Variants in RBM4 observed in about 807,000 individuals in gnomAD.
The protein encoded by RBM4 is RNA binding motif protein 4, also known as RNA-binding protein 4.
Under a neutral mutation model 29.5 loss-of-function variants are expected in RBM4, and 7 were observed. The ratio of observed to expected loss-of-function variants is 0.24; its 90% CI spans 0.14 to 0.45. The LOEUF (loss-of-function observed/expected upper bound fraction) is 0.45, where lower values mean the gene tolerates loss of function less well. RBM4 is among the 20% of genes least tolerant of loss of function. The pLI is 1.00. For synonymous variants in RBM4, 220 were observed against 205.4 expected, an observed-to-expected ratio of 1.07 and a Z score of -0.61; for missense variants, 387 against 502.3, an observed-to-expected ratio of 0.77 and a Z score of 2.19.
chr11:66,654,369 G>A (rs989302047), intron 2 of RBM4, among the ~76,000 whole-genome samples: 3 of 151,822 alleles, frequency 2.0e-5, no homozygotes, highest in African/African-American at 4.8e-5. Context: ...GGTGGCGGGC[G>A]CCTGTAGTCC....
Position 66,638,739 on chromosome 11 carries a change from T to A in RBM4, c.-26T>A, listed in dbSNP as rs1202045123. 6.5e-6 allele frequency: 1 copy of A among 153,230 alleles called. No individual in the cohort carries two copies. The highest frequency in any genetic ancestry group is 1.5e-5 in the Non-Finnish European group (1 of 68,516). The allele number at this position is 153,230 out of a possible 1,614,324, so 9.5% of individuals were successfully genotyped here. A position where few individuals can be genotyped will look rare whatever the true frequency, so the allele number is the denominator to read the frequency against. On this transcript the variant is annotated 5_prime_UTR_variant, in exon 1 of 4. Transcript: ENST00000310092. Reference sequence around the variant, plus strand: ...CCGCGCCGCGAGGAGGAGGCCCTGCTGGTTTCTGTGCGGGTGAGACTCCGA... The same window carrying A: ...CCGCGCCGCGAGGAGGAGGCCCTGCAGGTTTCTGTGCGGGTGAGACTCCGA...
At chr11:66,665,624 C>G in intron 2 of RBM4, 2 of 1,535,552 alleles carry the variant, frequency 1.3e-6, no homozygotes, top group Non-Finnish European at 1.7e-6. Flanking sequence ...GCCTGGAGAG[C>G]AGCCTGGCTC....
intron 2 of RBM4, chr11:66,665,636 G>A (rs1434631502): frequency 2.1e-5 from 32 of 1,534,866 alleles, no homozygotes; most frequent in Middle Eastern, 1.7e-4. Context: ...GCCTGGCTCC[G>A]CGTACAAGCG....
At chr11:66,646,928 A>C (rs768574185), downstream of RBM4, among the ~76,000 whole-genome samples, 1 of 149,588 alleles carries the variant, frequency 6.7e-6, no homozygotes, top group Non-Finnish European at 1.5e-5. Flanking sequence ...GGCCAGTGAC[A>C]TGTGTTGATG....
At chr11:66,668,365 T>C (rs1939323807) in exon 3 of RBM4, 1 of 448,444 alleles carries the variant, frequency 2.2e-6, no homozygotes. Context: ...GATTAAAGAA[T>C]GTTCTCACTA....
intron 2 of RBM4, among the ~76,000 whole-genome samples, chr11:66,655,294 CTTTTT>C (rs565194100): frequency 4.4e-3 from 640 of 143,956 alleles, no homozygotes; most frequent in Non-Finnish European, 7.4e-3. Flanking sequence ...CACTTCTTTT[CTTTTT>C]TTTTTTTTGA....
At chr11:66,642,897 G>T (rs1413346372) in intron 2 of RBM4, among the ~76,000 whole-genome samples, 1 of 152,202 alleles carries the variant, frequency 6.6e-6, no homozygotes, top group East Asian at 1.9e-4. Flanking sequence ...GTTCATGAGG[G>T]TTTTTCCAGA....
chr11:66,644,852 C>T (rs1420989345), intron 3 of RBM4: 2 of 278,000 alleles, frequency 7.2e-6, no homozygotes, highest in African/African-American at 2.3e-5. Flanking sequence ...AGATTTATTC[C>T]CTGAATAGAG....
At chr11:66,664,316 AT>A (rs1565089528) in intron 2 of RBM4, among the ~76,000 whole-genome samples, 3 of 150,992 alleles carry the variant, frequency 2.0e-5, no homozygotes. Flanking sequence ...CGCCTGGCTA[AT>A]TTTTGTATTT....
intron 1 of RBM4, 77 bp from the exon 2 acceptor site, chr11:66,639,623 A>G: frequency 6.6e-7 from 1 of 1,512,918 alleles, no homozygotes; most frequent in Non-Finnish European, 9.0e-7. Context: ...AATATACATT[A>G]GAGTGAAAGT....
chr11:66,665,614 G>T (rs769930435), intron 2 of RBM4: 1 of 1,535,806 alleles, frequency 6.5e-7, no homozygotes, highest in South Asian at 1.2e-5. Context: ...CTTACACAAT[G>T]CCTGGAGAGC....
At chr11:66,649,617 GCTTCCAATCAAGTGTAT>G, downstream of RBM4, 1 of 606,906 alleles carries the variant, frequency 1.6e-6, no homozygotes, top group Non-Finnish European at 2.9e-6. Context: ...TTGTTTTTAT[GCTTCCAATCAAGTGTAT>G]CTTTGAGTGG....
chr11:66,660,872 G>A (rs890239102), intron 2 of RBM4, among the ~76,000 whole-genome samples: 9 of 151,494 alleles, frequency 5.9e-5, no homozygotes, highest in Non-Finnish European at 1.0e-4. Context: ...AGCCAGGATG[G>A]TCTCGATCTC....
intron 2 of RBM4, chr11:66,640,422 A>AT (rs1419373411): frequency 1.9e-6 from 1 of 523,376 alleles, no homozygotes; most frequent in Non-Finnish European, 3.3e-6. Context: ...GGCCTTTTTT[A>AT]TTTTTTATTT....
At chr11:66,663,017 C>G (rs989555790) in intron 2 of RBM4, among the ~76,000 whole-genome samples, 8 of 152,128 alleles carry the variant, frequency 5.3e-5, no homozygotes, top group African/African-American at 1.7e-4. Flanking sequence ...TTTTGCTTCA[C>G]CTGTCAAGAT....
At chr11:66,652,122 T>G (rs1314781828) in intron 2 of RBM4, among the ~76,000 whole-genome samples, 1 of 151,988 alleles carries the variant, frequency 6.6e-6, no homozygotes, top group African/African-American at 2.4e-5. Context: ...AAAATTTTTT[T>G]TTTTTGGTCA....
At chr11:66,650,100 G>A (rs1157393995), downstream of RBM4, among the ~76,000 whole-genome samples, 1 of 152,142 alleles carries the variant, frequency 6.6e-6, no homozygotes, top group Non-Finnish European at 1.5e-5. Flanking sequence ...CTGGGCCTTG[G>A]GTGTACAAAT....
At chr11:66,647,800 A>G (rs1197720600), downstream of RBM4, among the ~76,000 whole-genome samples, 1 of 152,250 alleles carries the variant, frequency 6.6e-6, no homozygotes, top group Non-Finnish European at 1.5e-5. Context: ...CAGAAAATGC[A>G]GAAATGTCAA....
intron 2 of RBM4, among the ~76,000 whole-genome samples, chr11:66,656,096 G>GA (rs1475152184): frequency 6.6e-6 from 1 of 151,694 alleles, no homozygotes. Flanking sequence ...TCAGCCTCCT[G>GA]AGTAGCTGGG....
Sources: allele counts gnomAD v4.1 joint callset (sites outside exome capture counted in the v4.1 genomes callset), GRCh38; gene constraint gnomAD v4.1.1; transcripts MANE v1.5; gene names NCBI Gene and HGNC (gene_info 2026-07-23, HGNC 2026-07-21).